DCHS1: variants seen among roughly 807,000 people sequenced by gnomAD.
DCHS1 encodes dachsous cadherin-related 1, also known as protocadherin-16.
DCHS1 carries 78 observed loss-of-function variants against 213.9 expected under a neutral mutation model. The observed-to-expected ratio is 0.36, with a 90% CI of 0.30 to 0.44. The LOEUF is 0.44. Among genes scored for constraint, DCHS1 ranks in the 20% least tolerant of loss-of-function variants. The probability of loss-of-function intolerance (pLI) is 1.00; values close to 1 mark genes in which losing one functional copy is unlikely to be tolerated. For synonymous variants in DCHS1, 1,828 were observed against 1,873.7 expected (o/e 0.98, Z 0.63); for missense variants, 3,946 against 4,395.9 (o/e 0.90, Z 2.89).
rs367695682 is a variant in DCHS1 at position 6,626,237 on chromosome 11, G to A, written c.6508C>T (p.Arg2170Cys). ...TLQDANDNAP[R>C]FLRPHYVAFL... is the part of the protein sequence containing the mutation. ...GCCACATAATGGGGCCGCAGGAAAC[G>A]GGGAGCATTGTCGTTGGCATCTTGC... is the stretch of plus-strand genomic sequence containing the variant. Residue 2170 changes from arginine to cysteine, a missense_variant, in exon 16 of 21, where the codon CGT becomes TGT. This residue lies in a region of DCHS1 where 3,384 missense variants were observed against 3,780.1 expected (regional missense o/e 0.90). Coordinates refer to ENST00000299441, the MANE Select transcript of DCHS1 (RefSeq NM_003737.4). This position sits in a 1 kb window ranked among gnomAD's most constrained non-coding sequence, Gnocchi z 5.2. The A allele has an allele frequency of 1.1e-5, 17 of 1,612,026 alleles. No individual in the cohort carries two copies. Among genetic ancestry groups the A allele is most frequent in the East Asian group, 8.9e-5 (4 of 44,820 alleles).
At chr11:6,631,549 C>T (rs576666420) in intron 7 of DCHS1, 67 bp downstream of exon 7, 1 of 1,557,714 alleles carries the variant, frequency 6.4e-7, no homozygotes, top group South Asian at 1.2e-5. Flanking sequence ...CCTACACCTA[C>T]AGCTCTATGG....
In DCHS1 at chr11:6,621,377, T is replaced by C. The variant is rs1254272455; in HGVS notation, c.*402A>G. On this transcript the variant is annotated 3_prime_UTR_variant, in exon 21 of 21. Transcript: ENST00000299441. Reference sequence around the variant, plus strand: ...CTCCAGAGTGAGAAATGGCACTTGGTTCTGGGCAGGGGCAGGGGCAGGGGT... The same window carrying C: ...CTCCAGAGTGAGAAATGGCACTTGGCTCTGGGCAGGGGCAGGGGCAGGGGT... 1 of 340,326 alleles carries C rather than the reference T, an allele frequency of 2.9e-6. No homozygotes were observed. Among genetic ancestry groups the C allele is most frequent in the African/African-American group, 2.1e-5 (1 of 46,948 alleles). 21.1% of individuals were successfully genotyped at this position (340,326 alleles called of 1,614,324 possible). A position where few individuals can be genotyped will look rare whatever the true frequency, so the allele number is the denominator to read the frequency against.
rs916089550 is a variant in DCHS1 at position 6,628,923 on chromosome 11, C to A, written c.5162-93G>T. On this transcript the variant is annotated intron_variant, in intron 12 of 20. Coordinates refer to ENST00000299441, the MANE Select transcript of DCHS1 (RefSeq NM_003737.4). This position sits in a 1 kb window ranked among gnomAD's most constrained non-coding sequence, Gnocchi z 4.3. ...TGTTCATACATGTTCACTAGGTGCA[C>A]ACAAACCAGAAAATGTCCATCTCTC... The A allele has an allele frequency of 4.5e-6, 6 of 1,345,708 alleles. No homozygotes were observed. Among genetic ancestry groups the A allele is most frequent in the Non-Finnish European group, 5.2e-6 (5 of 962,660 alleles). 83.4% of individuals were successfully genotyped at this position (1,345,708 alleles called of 1,614,324 possible).
At position 6,630,670 on chromosome 11, in the gene DCHS1, G is replaced by A; in HGVS notation, c.4124C>T (p.Pro1375Leu). 9.1e-6 allele frequency: 14 copies of A among 1,533,024 alleles called. No homozygotes were observed. Among genetic ancestry groups the A allele is most frequent in the Non-Finnish European group, 1.2e-5 (14 of 1,141,236 alleles). 95.0% of individuals were successfully genotyped at this position (1,533,024 alleles called of 1,614,324 possible). Residue 1375 changes from proline to leucine, a missense_variant, in exon 10 of 21, where the codon CCC (proline) becomes CTC (leucine). Pro to Leu is a moderately conservative substitution (Grantham distance 98, BLOSUM62 -3). Around this residue, in one of 3 missense-constraint regions of DCHS1, gnomAD observed 3,384 missense variants for 3,780.1 expected, o/e 0.90. Coordinates refer to ENST00000299441, the MANE Select transcript of DCHS1 (RefSeq NM_003737.4). The stretch of plus-strand genomic sequence containing the variant: ...CGCATCCAGCGCGAAGGTGCCCTCG[G>A]GATCGGCACCGCCCACCAGTGTGTA... The part of the protein sequence containing the change: ...LTYTLVGGAD[P>L]EGTFALDAAS...
Position 6,632,644 on chromosome 11 carries a change from C to A in DCHS1, c.2868G>T (p.Leu956=). Reference sequence around the variant, plus strand: ...CATGGGCTGGCCCTCCTGAGGGCCCCAGAGGCCTCATAAGCCGTACATGGC... The same window carrying A: ...CATGGGCTGGCCCTCCTGAGGGCCCAAGAGGCCTCATAAGCCGTACATGGC... The part of the protein sequence containing the change: ...TTGHVRLMRP[L]GPSGGPAHEL... Residue 956 remains leucine (L), a synonymous_variant, in exon 6 of 21, where the codon CTG becomes CTT. Transcript: ENST00000299441. This position sits in a 1 kb window ranked among gnomAD's most constrained non-coding sequence, Gnocchi z 5.9. The A allele has an allele frequency of 6.4e-7, 1 of 1,558,734 alleles. No homozygotes were observed. The highest frequency in any genetic ancestry group is 2.4e-5 in the East Asian group (1 of 41,552).
Position 6,632,547 on chromosome 11 carries a change from G to C in DCHS1, c.2965C>G (p.Gln989Glu), listed in dbSNP as rs1450645129. 6.5e-7 allele frequency: 1 copy of C among 1,528,116 alleles called. No homozygotes were observed. Among genetic ancestry groups the C allele is most frequent in the South Asian group, 1.3e-5 (1 of 78,046 alleles). The allele number at this position is 1,528,116 out of a possible 1,614,324, so 94.7% of individuals were successfully genotyped here. A position where few individuals can be genotyped will look rare whatever the true frequency, so the allele number is the denominator to read the frequency against. Reference sequence around the variant, plus strand: ...GCCAGCCCACGGGTTCCCACATCCTGTACCACCACCCGTAGTCGAAAGTGG... The same window carrying C: ...GCCAGCCCACGGGTTCCCACATCCTCTACCACCACCCGTAGTCGAAAGTGG... Reference protein sequence around the residue: ...TSHFRLRVVVQDVGTRGLAPR... With the variant: ...TSHFRLRVVVEDVGTRGLAPR... The change falls in exon 6 of 21, where the codon CAG (glutamine) becomes GAG (glutamate). Residue 989 changes from glutamine to glutamate, a missense_variant. Transcript: ENST00000299441. This position sits in a 1 kb window ranked among gnomAD's most constrained non-coding sequence, Gnocchi z 5.9.
intron 9 of DCHS1, 26 bp downstream of exon 9, chr11:6,631,027 G>A: frequency 6.3e-7 from 1 of 1,584,892 alleles, no homozygotes. Context: ...TACAGCGGTA[G>A]CCAAGGGGAG....
intron 1 of DCHS1, among the ~76,000 whole-genome samples, chr11:6,651,728 C>A (rs1338426833): frequency 1.3e-5 from 2 of 152,100 alleles, no homozygotes; most frequent in Non-Finnish European, 2.9e-5. Context: ...GAAGATAGAA[C>A]CAACACGTTC....
In DCHS1 at chr11:6,628,654, C is replaced by G. The variant is rs1855850449; in HGVS notation, c.5338G>C (p.Gly1780Arg). ...TMLRASDPDVGANGQLQYRIL... is the reference protein window; with the variant it reads ...TMLRASDPDVRANGQLQYRIL... ...CGGTACTGCAACTGCCCATTGGCTCCCACATCTGGATCAGAGGCCCGAAGC... is the reference window on the plus strand; with the variant it reads ...CGGTACTGCAACTGCCCATTGGCTCGCACATCTGGATCAGAGGCCCGAAGC... Residue 1780 changes from glycine to arginine, a missense_variant, in exon 13 of 21, where the codon GGA (glycine) becomes CGA (arginine). Transcript: ENST00000299441. The surrounding 1 kb of genome is among the most constrained non-coding windows in gnomAD (Gnocchi z 4.3). The G allele has an allele frequency of 1.2e-6, 2 of 1,614,016 alleles. No homozygotes were observed.
intron 1 of DCHS1, among the ~76,000 whole-genome samples, chr11:6,646,110 G>T (rs1487744382): frequency 6.6e-6 from 1 of 151,216 alleles, no homozygotes; most frequent in Non-Finnish European, 1.5e-5. Flanking sequence ...CCTCTGATAT[G>T]CCCCCACATA....
chr11:6,644,690 C>T (rs369268779), intron 1 of DCHS1, among the ~76,000 whole-genome samples: 18 of 152,190 alleles, frequency 1.2e-4, no homozygotes, highest in African/African-American at 4.1e-4. Context: ...GCAGGCAGCC[C>T]GTGCTAAATG....
Position 6,630,831 on chromosome 11 carries a change from G to T in DCHS1, c.3963C>A (p.Pro1321=). Residue 1321 remains proline (P), a synonymous_variant, in exon 10 of 21, where the codon CCC becomes CCA. Transcript: ENST00000299441. ...VLPSARLAEP[P]PDLAERDPAA... Reference sequence around the variant, plus strand: ...CTGGGTCCCGCTCTGCGAGATCTGGGGGCGGCTCGGCCAAGCGAGCTGAGG... The same window carrying T: ...CTGGGTCCCGCTCTGCGAGATCTGGTGGCGGCTCGGCCAAGCGAGCTGAGG... 6.5e-7 allele frequency: 1 copy of T among 1,529,214 alleles called. No homozygotes were observed. The highest frequency in any genetic ancestry group is 8.8e-7 in the Non-Finnish European group (1 of 1,134,216). The allele number at this position is 1,529,214 out of a possible 1,614,324, so 94.7% of individuals were successfully genotyped here. A position where few individuals can be genotyped will look rare whatever the true frequency, so the allele number is the denominator to read the frequency against.
rs1208922258 is a variant in DCHS1 at position 6,629,845 on chromosome 11, G to A, written c.4862C>T (p.Ala1621Val). 2 of 1,613,022 alleles carry A rather than the reference G, an allele frequency of 1.2e-6. No individual in the cohort carries two copies. Among genetic ancestry groups the A allele is most frequent in the African/African-American group, 2.7e-5 (2 of 75,076 alleles). ...QRAEHVLTVV[A>V]SDHGSPPRSA... is the part of the protein sequence containing the mutation. ...GCGCGGCGGGGAGCCGTGGTCTGAG[G>A]CCACCACTGTCAGTACGTGCTCAGC... Residue 1621 changes from alanine to valine, a missense_variant, in exon 11 of 21, where the codon GCC becomes GTC. Ala to Val is a moderately conservative substitution (Grantham distance 64). This residue lies in a region of DCHS1 where 3,384 missense variants were observed against 3,780.1 expected (regional missense o/e 0.90). Transcript: ENST00000299441.
intron 2 of DCHS1, among the ~76,000 whole-genome samples, chr11:6,638,762 A>C (rs1053842529): frequency 2.6e-5 from 4 of 152,172 alleles, no homozygotes; most frequent in Non-Finnish European, 5.9e-5. Context: ...AGTTAAATAA[A>C]ATCTTGAACA....
chr11:6,641,581 G>T lies in DCHS1; in HGVS notation c.33C>A (p.Cys11Ter). 1 of 1,550,322 alleles carries T rather than the reference G, an allele frequency of 6.5e-7. No individual in the cohort carries two copies. The highest frequency in any genetic ancestry group is 8.7e-7 in the Non-Finnish European group (1 of 1,146,722). ...GGGGCCTGGGGCTCTTCATGCCAGG[G>T]CAGGAAGGCACAATGCCCAGCTCCT... The part of the protein sequence containing the change: MQKELGIVPS[C>*]PGMKSPRPHL... Residue 11 changes from cysteine to a stop codon, truncating the protein, a stop_gained, in exon 2 of 21, where the codon TGC (cysteine) becomes TGA (stop). Transcript: ENST00000299441. LOFTEE classifies it high-confidence loss of function. This position sits in a 1 kb window ranked among gnomAD's most constrained non-coding sequence, Gnocchi z 7.1.
At chr11:6,652,014 G>A (rs912487238) in intron 1 of DCHS1, among the ~76,000 whole-genome samples, 1 of 152,150 alleles carries the variant, frequency 6.6e-6, no homozygotes, top group Non-Finnish European at 1.5e-5. Context: ...ATTACCTAGA[G>A]GTGTGTATAC....
At chr11:6,631,848 A>G in intron 6 of DCHS1, 39 bp from the exon 7 acceptor site, 1 of 1,499,030 alleles carries the variant, frequency 6.7e-7, no homozygotes, top group Non-Finnish European at 8.9e-7. Context: ...GAGATGTTTA[A>G]GGATGCAGAG....
chr11:6,650,889 G>A (rs376007041), intron 1 of DCHS1, among the ~76,000 whole-genome samples: 1 of 152,188 alleles, frequency 6.6e-6, no homozygotes, highest in Non-Finnish European at 1.5e-5. Flanking sequence ...CGAGGGAGAC[G>A]AAGGAAGAAT....
Position 6,631,414 on chromosome 11 carries a change from G to A in DCHS1, c.3676-7C>T. The A allele has an allele frequency of 6.2e-7, 1 of 1,613,836 alleles. No individual in the cohort carries two copies. The highest frequency in any genetic ancestry group is 1.1e-5 in the South Asian group (1 of 91,072). On this transcript the variant is annotated splice_polypyrimidine_tract_variant and splice_region_variant and intron_variant, in intron 7 of 20. Coordinates refer to ENST00000299441, the MANE Select transcript of DCHS1 (RefSeq NM_003737.4). ...GAGGCACGCGGTCTGGTACCTGTGG[G>A]AACACAACTCACCTAGTGAGTCTCT...
Sources: allele counts gnomAD v4.1 joint callset (sites outside exome capture counted in the v4.1 genomes callset), GRCh38; gene constraint gnomAD v4.1.1; regional missense constraint gnomAD v4.1.1; non-coding constraint Gnocchi (gnomAD v3.1); transcripts MANE v1.5; gene names NCBI Gene and HGNC (gene_info 2026-07-23, HGNC 2026-07-21).